Variants in SACS observed in about 807,000 individuals in gnomAD.
The protein encoded by SACS is sacsin.
SACS carries 197 observed loss-of-function variants against 348.0 expected under a neutral mutation model. The ratio of observed to expected loss-of-function variants is 0.57; its 90% confidence interval spans 0.50 to 0.64. The LOEUF (loss-of-function observed/expected upper bound fraction) is 0.64, where lower values mean the gene tolerates loss of function less well. Among genes scored for constraint, SACS ranks in the 30% least tolerant of loss-of-function variants. SACS has a pLI of 0.00. For missense variants in SACS, 4,999 were observed against 5,360.8 expected (o/e 0.93, Z 2.11); for synonymous variants, 1,985 against 1,910.6 (o/e 1.04, Z -1.02).
Position 23,338,825 on chromosome 13 carries a change from A to G in SACS, c.5051T>C (p.Ile1684Thr), listed in dbSNP as rs1239300966. ...TGACTTTACACTCTGAGTGAAAATG[A>G]TAAGCCTGTGTCCACAGAGACTAAA... ...DEFSLCGHRL[I>T]IFTQSVKSMY... The change falls in exon 10 of 10, where the codon ATC (isoleucine) becomes ACC (threonine). Residue 1684 changes from isoleucine (I) to threonine (T), a missense_variant. This residue lies in a region of SACS where 3,156 missense variants were observed against 3,380.1 expected (regional missense o/e 0.93). Coordinates refer to ENST00000382292, the MANE Select transcript of SACS (RefSeq NM_014363.6). 3 of 1,613,064 alleles carry G rather than the reference A, an allele frequency of 1.9e-6. No homozygotes were observed. The highest frequency in any genetic ancestry group is 2.5e-6 in the Non-Finnish European group (3 of 1,179,952).
At chr13:23,406,135 GCCCATCATT>G (rs1873194880) in intron 2 of SACS, among the ~76,000 whole-genome samples, 1 of 152,174 alleles carries the variant, frequency 6.6e-6, no homozygotes, top group African/African-American at 2.4e-5. Flanking sequence ...CAATCCAAAT[GCCCATCATT>G]GATAGACTGG....
intron 2 of SACS, among the ~76,000 whole-genome samples, chr13:23,384,995 C>T (rs1327503712): frequency 2.0e-5 from 3 of 152,144 alleles, no homozygotes; most frequent in Non-Finnish European, 2.9e-5. Flanking sequence ...GGCATGGTGG[C>T]TCACGCCTGT....
intron 1 of SACS, among the ~76,000 whole-genome samples, chr13:23,433,407 G>A (rs1176506369): frequency 6.6e-6 from 1 of 152,186 alleles, no homozygotes; most frequent in Non-Finnish European, 1.5e-5. Context: ...TGTACAGCAC[G>A]CTGAAGGCCC....
At chr13:23,414,441 G>A (rs998370917) in intron 1 of SACS, among the ~76,000 whole-genome samples, 3 of 152,230 alleles carry the variant, frequency 2.0e-5, no homozygotes, top group Admixed American at 2.0e-4. Context: ...TCTGCCACTA[G>A]TGCTCGGCCT....
At chr13:23,385,829 G>A (rs1188340964) in intron 2 of SACS, among the ~76,000 whole-genome samples, 1 of 152,190 alleles carries the variant, frequency 6.6e-6, no homozygotes, top group Non-Finnish European at 1.5e-5. Flanking sequence ...TGATCTGTGG[G>A]CTGCAGAATG....
chr13:23,341,062 A>G lies in SACS; in HGVS notation c.2814T>C (p.Ile938=), dbSNP rs909826115. Residue 938 remains isoleucine, a synonymous_variant, in exon 10 of 10, where the codon ATT becomes ATC. Transcript: ENST00000382292. ...KRINHSSDQG[I]SSYTKLKGCK... ...AACCTTTCAATTTTGTATAAGAGGA[A>G]ATTCCCTGATCAGAAGAATGGTTAA... 3 of 1,614,116 alleles carry G rather than the reference A, an allele frequency of 1.9e-6. No individual in the cohort carries two copies. The highest frequency in any genetic ancestry group is 1.1e-5 in the South Asian group (1 of 91,082).
Position 23,334,040 on chromosome 13 carries a change from GC to G in SACS, c.9835del (p.Ala3279HisfsTer46). Reference protein sequence around the residue: ...DIVVDTLKDWALLPGTKFTVS... With the variant: ...DIVVDTLKDWXLLPGTKFTVS... Reference sequence around the variant, plus strand: ...AGTAAACTTTGTTCCTGGAAGCAATGCCCAGTCTTTTAGAGTATCAACAACA... The same window carrying G: ...AGTAAACTTTGTTCCTGGAAGCAATGCCAGTCTTTTAGAGTATCAACAACA... On this transcript the variant is annotated frameshift_variant, in exon 10 of 10. Coordinates refer to ENST00000382292, the MANE Select transcript of SACS (RefSeq NM_014363.6). LOFTEE classifies it high-confidence loss of function. The G allele has an allele frequency of 6.2e-7, 1 of 1,613,806 alleles. No individual in the cohort carries two copies. Among genetic ancestry groups the G allele is most frequent in the Non-Finnish European group, 8.5e-7 (1 of 1,179,834 alleles).
In SACS at chr13:23,341,214, A is replaced by G. The variant is rs1212223678; in HGVS notation, c.2662T>C (p.Leu888=). The G allele has an allele frequency of 1.9e-6, 3 of 1,613,814 alleles. No homozygotes were observed. The highest frequency in any genetic ancestry group is 1.3e-5 in the African/African-American group (1 of 74,936). Residue 888 remains leucine (L), a synonymous_variant, in exon 10 of 10, where the codon TTG becomes CTG. Transcript: ENST00000382292. ...AGTAGCGAAGTTATTTGATTACACAATTTCTGCAATGGCATCTTCTCCATT... is the reference window on the plus strand; with the variant it reads ...AGTAGCGAAGTTATTTGATTACACAGTTTCTGCAATGGCATCTTCTCCATT... The part of the protein sequence containing the change: ...QIMEKMPLQK[L]CNQITSLLPT...
At position 23,333,956 on chromosome 13, in the gene SACS, A is replaced by G; in HGVS notation, c.9920T>C (p.Met3307Thr). The G allele has an allele frequency of 1.2e-6, 2 of 1,613,930 alleles. No individual in the cohort carries two copies. The highest frequency in any genetic ancestry group is 1.1e-5 in the South Asian group (1 of 91,072). ...GGCATTTGGAAAAACTGCAATGTGC[A>G]TAAGGCTGAGAGGAAGCAGAACATC... ...EGDVLLPLSL[M>T]HIAVFPNAQS... Residue 3307 changes from methionine to threonine, a missense_variant, in exon 10 of 10, where the codon ATG becomes ACG. By Grantham distance (81) the Met-to-Thr change is moderately conservative. Coordinates refer to ENST00000382292, the MANE Select transcript of SACS (RefSeq NM_014363.6).
At chr13:23,346,841 G>A in intron 9 of SACS, 1 of 981,654 alleles carries the variant, frequency 1.0e-6, no homozygotes. Flanking sequence ...TGTTGTGCTA[G>A]AATACAATTA....
At chr13:23,366,876 T>C (rs1047664652) in intron 5 of SACS, among the ~76,000 whole-genome samples, 2 of 152,174 alleles carry the variant, frequency 1.3e-5, no homozygotes, top group African/African-American at 2.4e-5. Context: ...ACAAATACCA[T>C]AGAAGGTGGT....
chr13:23,423,170 A>T (rs947717510), intron 1 of SACS, among the ~76,000 whole-genome samples: 1 of 152,198 alleles, frequency 6.6e-6, no homozygotes, highest in Non-Finnish European at 1.5e-5. Context: ...TTATTAAACA[A>T]CTTCCAAGCA....
intron 2 of SACS, among the ~76,000 whole-genome samples, chr13:23,404,771 C>A (rs550931169): frequency 1.3e-5 from 2 of 151,790 alleles, no homozygotes; most frequent in Non-Finnish European, 2.9e-5. Context: ...TTTCTATACA[C>A]CAATAATAGC....
chr13:23,364,080 C>G (rs1192435158), intron 6 of SACS, among the ~76,000 whole-genome samples: 1 of 152,156 alleles, frequency 6.6e-6, no homozygotes, highest in African/African-American at 2.4e-5. Flanking sequence ...CCACACACCT[C>G]TTTTTATAGA....
chr13:23,329,830 A>C lies in SACS; in HGVS notation c.*306T>G. On this transcript the variant is annotated 3_prime_UTR_variant, in exon 10 of 10. Transcript: ENST00000382292. ...CTTCATCCTAACCAGAGACATACAT[A>C]GACTCTTATCTAACAAACTGCTAAG... 2.0e-6 allele frequency: 1 copy of C among 494,394 alleles called. No homozygotes were observed. Among genetic ancestry groups the C allele is most frequent in the Non-Finnish European group, 3.6e-6 (1 of 277,936 alleles). 30.6% of individuals were successfully genotyped at this position (494,394 alleles called of 1,614,324 possible).
chr13:23,409,614 G>C (rs1191611551), intron 2 of SACS, among the ~76,000 whole-genome samples: 2 of 151,966 alleles, frequency 1.3e-5, no homozygotes, highest in Non-Finnish European at 2.9e-5. Flanking sequence ...ACAGGTGTGA[G>C]CCACCGCACC....
At chr13:23,407,826 CCT>C (rs1055833988) in intron 2 of SACS, among the ~76,000 whole-genome samples, 5 of 152,328 alleles carry the variant, frequency 3.3e-5, no homozygotes, top group East Asian at 1.9e-4. Context: ...GACAGAATCC[CCT>C]GACTCCGGCT....
chr13:23,368,856 G>T (rs571493719), intron 4 of SACS, among the ~76,000 whole-genome samples: 1 of 151,838 alleles, frequency 6.6e-6, no homozygotes, highest in South Asian at 2.1e-4. Context: ...CCACCACCAT[G>T]CCCAGCTAAT....
intron 2 of SACS, among the ~76,000 whole-genome samples, chr13:23,397,224 G>GTATAATTACAATTATACAAACA (rs1872744157): frequency 6.6e-6 from 1 of 152,158 alleles, no homozygotes; most frequent in Non-Finnish European, 1.5e-5. Context: ...TAATAAGGGT[G>GTATAATTACAATTATACAAACA]AGGTGAAACA....
Sources: allele counts gnomAD v4.1 joint callset (sites outside exome capture counted in the v4.1 genomes callset), GRCh38; gene constraint gnomAD v4.1.1; regional missense constraint gnomAD v4.1.1; transcripts MANE v1.5; gene names NCBI Gene and HGNC (gene_info 2026-07-23, HGNC 2026-07-21).